The following SLC26A8 variants were observed in gnomAD, a reference collection of about 807,000 sequenced individuals.
The protein encoded by SLC26A8 is solute carrier family 26 member 8.
In SLC26A8, 70 loss-of-function variants were observed where a neutral mutation model predicts 105.0. The observed-to-expected ratio is 0.67, with a 90% CI of 0.55 to 0.81. The LOEUF is 0.81. Ranked by LOEUF, SLC26A8 falls within the 40% of genes least tolerant of loss-of-function variation. The probability of loss-of-function intolerance (pLI) is 0.00; values close to 1 mark genes in which losing one functional copy is unlikely to be tolerated. For synonymous variants in SLC26A8, 415 were observed against 438.3 expected (o/e 0.95, Z 0.66); for missense variants, 998 against 1,181.8 (o/e 0.84, Z 2.28).
rs774054057 is a variant in SLC26A8 at position 35,960,993 on chromosome 6, C to T, written c.1568G>A (p.Arg523Lys). The T allele has an allele frequency of 6.2e-7, 1 of 1,614,084 alleles. No homozygotes were observed. Among genetic ancestry groups the T allele is most frequent in the South Asian group, 1.1e-5 (1 of 91,074 alleles). ...CCTCCTATTACCTGAGACAAAGTAC[C>T]TGTGTGAACGAACAGTGGTGATGAA... ...AFFITTVRSHRAKILLLGQIP... is the reference protein window; with the variant it reads ...AFFITTVRSHKAKILLLGQIP... Residue 523 changes from arginine (R) to lysine (K), a missense_variant and splice_region_variant, in exon 13 of 20, where the codon AGA (arginine) becomes AAA (lysine). Arg to Lys is a conservative substitution (Grantham distance 26, BLOSUM62 2). Coordinates refer to ENST00000490799, the MANE Select transcript of SLC26A8 (RefSeq NM_052961.4).
At chr6:36,013,470 C>T (rs759101161) in intron 2 of SLC26A8, among the ~76,000 whole-genome samples, 4 of 152,114 alleles carry the variant, frequency 2.6e-5, no homozygotes, top group African/African-American at 4.8e-5. Context: ...CATAAGCCAC[C>T]GTGCCTGGCC....
chr6:36,008,744 C>T (rs1761762677), intron 3 of SLC26A8, among the ~76,000 whole-genome samples: 1 of 152,112 alleles, frequency 6.6e-6, no homozygotes, highest in South Asian at 2.1e-4. Flanking sequence ...ATGAAAATAA[C>T]AGATGGAAAT....
intron 12 of SLC26A8, among the ~76,000 whole-genome samples, chr6:35,962,063 T>C (rs1479827925): frequency 7.9e-5 from 12 of 151,990 alleles, no homozygotes; most frequent in Admixed American, 7.9e-4. Context: ...CTGTCTCTAC[T>C]AAAAATACAA....
rs532443392 is a variant in SLC26A8, at chr6:35,982,108, T to C, written c.1025+13A>G. On this transcript the variant is annotated intron_variant, in intron 8 of 19. Coordinates refer to ENST00000490799, the MANE Select transcript of SLC26A8 (RefSeq NM_052961.4). ...GAAAGAGAAAAGCAATCTTGAAAAG[T>C]GGAATTACTGACCTATAAGGAATCA... 5 of 1,613,390 alleles carry C rather than the reference T, an allele frequency of 3.1e-6. No individual in the cohort carries two copies. In the South Asian group the frequency reaches 4.4e-5, roughly 14 times the overall value.
At chr6:35,955,621 C>G in intron 16 of SLC26A8, 101 bp from the exon 17 acceptor site, 1 of 1,458,156 alleles carries the variant, frequency 6.9e-7, no homozygotes. Context: ...TCATGTCCCT[C>G]TCTCATGAAA....
rs7746080 is a variant in SLC26A8 at position 35,944,492 on chromosome 6, A to G, written c.2473-152T>C. The G allele has an allele frequency of 0.11, 44,907 of 415,620 alleles. 5,447 individuals are homozygous for G. Among genetic ancestry groups the G allele is most frequent in the African/African-American group, 0.42 (20,707 of 49,196 alleles). The allele number at this position is 415,620 out of a possible 1,614,324, so 25.7% of individuals were successfully genotyped here. A position where few individuals can be genotyped will look rare whatever the true frequency, so the allele number is the denominator to read the frequency against. On this transcript the variant is annotated intron_variant, in intron 19 of 19. Transcript: ENST00000490799. The stretch of plus-strand genomic sequence containing the variant: ...TCAAGGCCAGCCTGGGCAACATAGT[A>G]AAACTTCTATCTTAACAAATAATAA...
At chr6:35,984,319 ATTTTTT>A (rs59314649) in intron 7 of SLC26A8, among the ~76,000 whole-genome samples, 7 of 116,532 alleles carry the variant, frequency 6.0e-5, no homozygotes, top group East Asian at 2.5e-4. Context: ...TCTTCTTCTT[ATTTTTT>A]TTTTTTTTTT....
chr6:35,974,317 C>CAAAACA (rs969648290), intron 10 of SLC26A8, among the ~76,000 whole-genome samples: 5 of 152,146 alleles, frequency 3.3e-5, no homozygotes, highest in South Asian at 2.1e-4. Flanking sequence ...GACTGTGTCT[C>CAAAACA]AAAACAAAAA....
At chr6:36,023,697 A>G (rs10456082) in intron 1 of SLC26A8, among the ~76,000 whole-genome samples, 23,179 of 152,112 alleles carry the variant, frequency 0.15, 1,826 homozygotes, top group African/African-American at 0.17. Context: ...TATGTTTTCT[A>G]TAATCACGGA....
At chr6:35,999,144 T>G (rs967774078) in intron 4 of SLC26A8, among the ~76,000 whole-genome samples, 1 of 152,176 alleles carries the variant, frequency 6.6e-6, no homozygotes, top group East Asian at 1.9e-4. Flanking sequence ...TCCACTTGCC[T>G]CGGCCTCCCA....
chr6:35,943,957 C>T lies in SLC26A8; in HGVS notation c.2856G>A (p.Arg952=), dbSNP rs369357295. 1.1e-4 allele frequency: 182 copies of T among 1,614,074 alleles called. No individual in the cohort carries two copies. The highest frequency in any genetic ancestry group is 1.5e-4 in the Non-Finnish European group (174 of 1,180,044). ...AGTATGAATCCATAGGATGGCGTCTCCTCTCCACTGACCATGTCCGAGTCT... is the reference window on the plus strand; with the variant it reads ...AGTATGAATCCATAGGATGGCGTCTTCTCTCCACTGACCATGTCCGAGTCT... The part of the protein sequence containing the change: ...QTQTRTWSVE[R]RRHPMDSYSP... Residue 952 remains arginine, a synonymous_variant, in exon 20 of 20, where the codon AGG becomes AGA. Coordinates refer to ENST00000490799, the MANE Select transcript of SLC26A8 (RefSeq NM_052961.4).
chr6:35,948,803 G>T (rs998013224), intron 19 of SLC26A8, among the ~76,000 whole-genome samples: 1 of 152,170 alleles, frequency 6.6e-6, no homozygotes, highest in Non-Finnish European at 1.5e-5. Context: ...ACATTGTGGT[G>T]GTATTAAGAG....
chr6:35,959,835 A>T (rs773420480), intron 14 of SLC26A8, 29 bp from the exon 15 acceptor site: 1 of 1,480,976 alleles, frequency 6.8e-7, no homozygotes, highest in Non-Finnish European at 9.4e-7. Context: ...AGTTGAGGGA[A>T]ATTTCTCAGT....
chr6:35,951,114 C>T, intron 19 of SLC26A8, 49 bp downstream of exon 19: 1 of 1,555,464 alleles, frequency 6.4e-7, no homozygotes, highest in Non-Finnish European at 8.8e-7. Context: ...CATCCCCCCA[C>T]TGCCCTCAAT....
At chr6:35,949,176 G>A (rs551989129) in intron 19 of SLC26A8, among the ~76,000 whole-genome samples, 172 of 152,322 alleles carry the variant, frequency 1.1e-3, no homozygotes, top group African/African-American at 3.8e-3. Flanking sequence ...GCTCATGCCT[G>A]TAATCCCAGC....
Position 35,961,094 on chromosome 6 carries a change from A to G in SLC26A8, c.1467T>C (p.Leu489=), listed in dbSNP as rs774529705. 6.2e-7 allele frequency: 1 copy of G among 1,612,600 alleles called. No homozygotes were observed. The highest frequency in any genetic ancestry group is 8.5e-7 in the Non-Finnish European group (1 of 1,178,962). The change falls in exon 13 of 20, where the codon CTT becomes CTC. Residue 489 remains leucine (L), a synonymous_variant. Coordinates refer to ENST00000490799, the MANE Select transcript of SLC26A8 (RefSeq NM_052961.4). ...LWRQDQYDCA[L]WMMTFSSSIF... is the part of the protein sequence containing the mutation. ...TTGAAGATGAGAATGTCATCATCCAAAGAGCCTTATGGAAAAGGGAATGAG... is the reference window on the plus strand; with the variant it reads ...TTGAAGATGAGAATGTCATCATCCAGAGAGCCTTATGGAAAAGGGAATGAG...
At chr6:36,019,379 G>A (rs1762070898) in intron 2 of SLC26A8, 141 bp downstream of exon 2, 4 of 908,570 alleles carry the variant, frequency 4.4e-6, no homozygotes, top group Non-Finnish European at 6.4e-6. Context: ...CCACAAAAAT[G>A]ACTGAAGAAA....
At chr6:35,951,011 G>A in intron 19 of SLC26A8, 152 bp downstream of exon 19, 1 of 774,070 alleles carries the variant, frequency 1.3e-6, no homozygotes, top group Non-Finnish European at 2.0e-6. Context: ...CAACATCCCA[G>A]ATTCTGGTAC....
intron 7 of SLC26A8, among the ~76,000 whole-genome samples, chr6:35,984,069 G>A (rs1034399861): frequency 6.6e-6 from 1 of 152,142 alleles, no homozygotes. Context: ...CTATGTGGCA[G>A]AAACTGTGTC....
Sources: allele counts gnomAD v4.1 joint callset (sites outside exome capture counted in the v4.1 genomes callset), GRCh38; gene constraint gnomAD v4.1.1; transcripts MANE v1.5; gene names NCBI Gene and HGNC (gene_info 2026-07-23, HGNC 2026-07-21).